The following ZNF821 variants were observed in gnomAD, a reference collection of about 807,000 sequenced individuals.
ZNF821 encodes zinc finger protein 821.
In ZNF821, 16 loss-of-function variants were observed where a neutral mutation model predicts 44.3. That is an observed-to-expected ratio of 0.36 (90% confidence interval 0.24 to 0.55). The LOEUF is 0.55. Among genes scored for constraint, ZNF821 ranks in the 20% least tolerant of loss-of-function variants. The pLI is 0.86. For synonymous variants in ZNF821, 204 were observed against 197.6 expected, an observed-to-expected ratio of 1.03 and a Z score of -0.27; for missense variants, 436 against 547.6, an observed-to-expected ratio of 0.80 and a Z score of 2.03.
At chr16:71,891,996 A>G (rs1432143516) in intron 1 of ZNF821, among the ~76,000 whole-genome samples, 1 of 52,588 alleles carries the variant, frequency 1.9e-5, no homozygotes, top group East Asian at 9.3e-4. Context: ...ACTCCGTCTC[A>G]AAAAAAAAAA....
At chr16:71,872,621 G>GA (rs1390405540) in intron 3 of ZNF821, among the ~76,000 whole-genome samples, 4 of 151,716 alleles carry the variant, frequency 2.6e-5, no homozygotes, top group South Asian at 2.1e-4. Context: ...TCAAAAAAAA[G>GA]AAAAAAAAGA....
At chr16:71,894,444 CTG>C in intron 1 of ZNF821, 1 of 165,482 alleles carries the variant, frequency 6.0e-6, no homozygotes, top group Non-Finnish European at 1.3e-5. Flanking sequence ...CGGGGTTCCT[CTG>C]TGTTGGCCAG....
chr16:71,892,384 A>C (rs1253782584), intron 1 of ZNF821, among the ~76,000 whole-genome samples: 1 of 122,122 alleles, frequency 8.2e-6, no homozygotes, highest in Non-Finnish European at 1.8e-5. Flanking sequence ...CTCCTGCCTC[A>C]GCCTCCCCAG....
At position 71,882,059 on chromosome 16, in the gene ZNF821, C is replaced by T. The variant is rs568102329; in HGVS notation, c.-78+1152G>A. 8.9e-4 allele frequency: 135 copies of T among 152,226 alleles called. No individual in the cohort carries two copies. The Middle Eastern group carries it at 0.01, about 11-fold the overall frequency. 9.4% of individuals were successfully genotyped at this position (152,226 alleles called of 1,614,324 possible). A position where few individuals can be genotyped will look rare whatever the true frequency, so the allele number is the denominator to read the frequency against. ...CTGAGGCGGGTGGATCACCTGAGGT[C>T]GGGAGTTTGAGAACAGCCTGGCCAA... is the stretch of plus-strand genomic sequence containing the variant. On this transcript the variant is annotated intron_variant, in intron 2 of 7. Coordinates refer to ENST00000425432, the MANE Select transcript of ZNF821 (RefSeq NM_001201552.2).
In ZNF821 at chr16:71,860,317, C is replaced by G. The variant is rs775435729; in HGVS notation, c.940G>C (p.Glu314Gln). The change falls in exon 8 of 8, where the codon GAG becomes CAG. Residue 314 changes from glutamate to glutamine, a missense_variant. By Grantham distance (29) the Glu-to-Gln change is conservative (BLOSUM62 2). Around this residue, in one of 5 missense-constraint regions of ZNF821, gnomAD observed 72 missense variants for 133.3 expected, o/e 0.54. Coordinates refer to ENST00000425432, the MANE Select transcript of ZNF821 (RefSeq NM_001201552.2). The surrounding 1 kb of genome is among the most constrained non-coding windows in gnomAD (Gnocchi z 7.3). ...CGCTGCAGCCGGCGTGCCCGCTGCT[C>G]GTCTGTCTCCTGCATGCGCTGCAAG... ...KRLQRMQETD[E>Q]QRARRLQRDR... 1 of 1,612,524 alleles carries G rather than the reference C, an allele frequency of 6.2e-7. No homozygotes were observed. Among genetic ancestry groups the G allele is most frequent in the East Asian group, 2.2e-5 (1 of 44,866 alleles).
chr16:71,873,779 A>G (rs764988420), intron 3 of ZNF821, among the ~76,000 whole-genome samples: 22 of 151,586 alleles, frequency 1.5e-4, no homozygotes, highest in Non-Finnish European at 2.6e-4. Context: ...TCAACCTCCT[A>G]AAGTATTGGG....
At chr16:71,880,156 A>G in intron 2 of ZNF821, 133 bp from the exon 3 acceptor site, 1 of 446,650 alleles carries the variant, frequency 2.2e-6, no homozygotes, top group South Asian at 5.2e-5. Context: ...TGAACTAATG[A>G]AAGAAAGAAA....
upstream of ZNF821, chr16:71,884,282 C>G (rs2036744940): frequency 6.6e-6 from 1 of 151,870 alleles, no homozygotes; most frequent in South Asian, 2.1e-4. Context: ...GCGTTGTGGG[C>G]GGGGCCTGAG....
At chr16:71,875,981 C>T (rs139695990) in intron 3 of ZNF821, among the ~76,000 whole-genome samples, 3 of 152,294 alleles carry the variant, frequency 2.0e-5, no homozygotes, top group East Asian at 3.9e-4. Context: ...ATATATGCTA[C>T]GTGGGCATAG....
At chr16:71,879,823 T>G in intron 3 of ZNF821, 84 bp downstream of exon 3, 930 of 1,278,324 alleles carry the variant, frequency 7.3e-4, no homozygotes, top group Non-Finnish European at 9.2e-4. Context: ...CAAATTAGCG[T>G]GAGCTTCTCC....
Position 71,867,955 on chromosome 16 carries a change from C to T in ZNF821, c.123G>A (p.Gln41=). Residue 41 remains glutamine (Q), a synonymous_variant, in exon 4 of 8, where the codon CAG becomes CAA. Transcript: ENST00000425432. ...KTDFPGDLGS[Q]RQAIQQLRDQ... Reference sequence around the variant, plus strand: ...CTCTTAGTTGTTGGATAGCTTGTCGCTGACTGCCAAGGTCTCCAGGAAAAT... The same window carrying T: ...CTCTTAGTTGTTGGATAGCTTGTCGTTGACTGCCAAGGTCTCCAGGAAAAT... 6.5e-7 allele frequency: 1 copy of T among 1,536,064 alleles called. No homozygotes were observed. Among genetic ancestry groups the T allele is most frequent in the East Asian group, 2.4e-5 (1 of 40,916 alleles).
At chr16:71,872,198 A>C (rs1217461510) in intron 3 of ZNF821, among the ~76,000 whole-genome samples, 1 of 152,164 alleles carries the variant, frequency 6.6e-6, no homozygotes, top group African/African-American at 2.4e-5. Flanking sequence ...AGATGAGAGG[A>C]ATGAGATGAA....
At position 71,860,024 on chromosome 16, in the gene ZNF821, C is replaced by A; in HGVS notation, c.1233G>T (p.Leu411=). 1.9e-6 allele frequency: 3 copies of A among 1,600,084 alleles called. No homozygotes were observed. The highest frequency in any genetic ancestry group is 2.6e-6 in the Non-Finnish European group (3 of 1,173,874). The change falls in exon 8 of 8, where the codon CTG becomes CTT. Residue 411 remains leucine (L), a synonymous_variant. Transcript: ENST00000425432. This position sits in a 1 kb window ranked among gnomAD's most constrained non-coding sequence, Gnocchi z 7.3. ...GCAGGCAGGAGGGTGTGGTTCAGTGCAGAGAGCTGCTGTTCTGCTCTTCAA... is the reference window on the plus strand; with the variant it reads ...GCAGGCAGGAGGGTGTGGTTCAGTGAAGAGAGCTGCTGTTCTGCTCTTCAA... The part of the protein sequence containing the change: ...MAFEEQNSSS[L]H
intron 1 of ZNF821, among the ~76,000 whole-genome samples, chr16:71,892,178 CA>C (rs560376648): frequency 1.5e-3 from 48 of 31,918 alleles, no homozygotes; most frequent in African/African-American, 2.7e-3. Context: ...AACTCCGTCT[CA>C]AAAAAAAAAA....
At chr16:71,881,088 C>T (rs2036376018) in intron 2 of ZNF821, among the ~76,000 whole-genome samples, 1 of 152,200 alleles carries the variant, frequency 6.6e-6, no homozygotes, top group Admixed American at 6.5e-5. Flanking sequence ...GAATATGGAT[C>T]TGGTCACACT....
rs535979855 is a variant in ZNF821, at chr16:71,861,419, C to T, written c.584+357G>A. On this transcript the variant is annotated intron_variant, in intron 7 of 7. Coordinates refer to ENST00000425432, the MANE Select transcript of ZNF821 (RefSeq NM_001201552.2). ...GACTCTGCACTGTACACTAGACAAACGGGACAAGGACACAACGTTCCAGTC... is the reference window on the plus strand; with the variant it reads ...GACTCTGCACTGTACACTAGACAAATGGGACAAGGACACAACGTTCCAGTC... Among the ~76,000 whole-genome samples the T allele has an allele frequency of 3.3e-5, 5 of 152,318 alleles. No homozygotes were observed. The South Asian group carries it at 8.3e-4, about 25-fold the overall frequency.
In ZNF821 at chr16:71,860,681, G is replaced by T. The variant is rs370900167; in HGVS notation, c.585-9C>A. On this transcript the variant is annotated splice_polypyrimidine_tract_variant and intron_variant, in intron 7 of 7. Transcript: ENST00000425432. The surrounding 1 kb of genome is among the most constrained non-coding windows in gnomAD (Gnocchi z 7.3). Reference sequence around the variant, plus strand: ...CTTCAGGAAGTTTCTCACTGGAAAGGAAACATTTTGGATGGTTAGTGTTTC... The same window carrying T: ...CTTCAGGAAGTTTCTCACTGGAAAGTAAACATTTTGGATGGTTAGTGTTTC... 1 of 1,608,866 alleles carries T rather than the reference G, an allele frequency of 6.2e-7. No homozygotes were observed. The highest frequency in any genetic ancestry group is 1.3e-5 in the African/African-American group (1 of 74,930).
chr16:71,885,787 T>A (rs1490067957), upstream of ZNF821, among the ~76,000 whole-genome samples: 2 of 152,256 alleles, frequency 1.3e-5, no homozygotes, highest in Admixed American at 1.3e-4. Flanking sequence ...TAGCAATTAT[T>A]GTTGTTTAAC....
chr16:71,893,222 T>C (rs1597222692), intron 1 of ZNF821, among the ~76,000 whole-genome samples: 1 of 149,908 alleles, frequency 6.7e-6, no homozygotes, highest in Non-Finnish European at 1.5e-5. Flanking sequence ...AGAGACGGGG[T>C]TTCACCGTGT....
Sources: allele counts gnomAD v4.1 joint callset (sites outside exome capture counted in the v4.1 genomes callset), GRCh38; gene constraint gnomAD v4.1.1; regional missense constraint gnomAD v4.1.1; non-coding constraint Gnocchi (gnomAD v3.1); transcripts MANE v1.5; gene names NCBI Gene and HGNC (gene_info 2026-07-23, HGNC 2026-07-21).